Variants in CSNK1G1 observed in about 807,000 individuals in gnomAD.
CSNK1G1 encodes the protein casein kinase 1 gamma 1.
CSNK1G1 carries 22 observed loss-of-function variants against 59.6 expected under a neutral mutation model. The ratio of observed to expected loss-of-function variants is 0.37; its 90% CI spans 0.26 to 0.53. The LOEUF (loss-of-function observed/expected upper bound fraction) is 0.53, where lower values mean the gene tolerates loss of function less well. Ranked by LOEUF, CSNK1G1 falls within the 20% of genes least tolerant of loss-of-function variation. The pLI, the probability that CSNK1G1 is intolerant of heterozygous loss-of-function variation, is 0.89. For synonymous variants in CSNK1G1, 179 were observed against 177.1 expected (o/e 1.01, Z -0.08); for missense variants, 384 against 519.5 (o/e 0.74, Z 2.54).
intron 4 of CSNK1G1, among the ~76,000 whole-genome samples, chr15:64,230,296 G>A (rs2082528929): frequency 6.6e-6 from 1 of 150,604 alleles, no homozygotes; most frequent in African/African-American, 2.4e-5. Flanking sequence ...CAAATTGCCA[G>A]TTTTGGTTTT....
chr15:64,283,892 C>T (rs4777088), intron 2 of CSNK1G1, among the ~76,000 whole-genome samples: 1,613 of 152,236 alleles, frequency 0.011, 12 homozygotes, highest in Middle Eastern at 0.044. Context: ...GGTATCATAA[C>T]TAAGAATCCA....
intron 3 of CSNK1G1, among the ~76,000 whole-genome samples, chr15:64,257,612 C>T (rs972747163): frequency 1.3e-5 from 2 of 152,092 alleles, no homozygotes; most frequent in African/African-American, 4.8e-5. Flanking sequence ...GTCTCGACTT[C>T]CTGGGCTCAG....
chr15:64,345,022 AAAAC>A (rs769696210), intron 1 of CSNK1G1, among the ~76,000 whole-genome samples: 3 of 152,212 alleles, frequency 2.0e-5, no homozygotes, highest in African/African-American at 4.8e-5. Context: ...ACTAGGTGAA[AAAAC>A]AAACAAAACT....
chr15:64,193,766 T>C, intron 10 of CSNK1G1, among the ~76,000 whole-genome samples: 1 of 152,126 alleles, frequency 6.6e-6, no homozygotes, highest in African/African-American at 2.4e-5. Flanking sequence ...GAAACCACCC[T>C]AGAAGTCTGC....
rs531273433 is a variant in CSNK1G1 at position 64,193,737 on chromosome 15, C to T, written c.1107+9345G>A. Among the ~76,000 whole-genome samples the T allele has an allele frequency of 3.3e-5, 5 of 152,240 alleles. No homozygotes were observed. The South Asian group carries it at 6.2e-4, about 19-fold the overall frequency. ...AGAGACGAGAGTATCAATTCTGTGA[C>T]GCTTTTAGAAAAATCACGGAAACCA... is the stretch of plus-strand genomic sequence containing the variant. On this transcript the variant is annotated intron_variant, in intron 10 of 11. Transcript: ENST00000303052.
intron 2 of CSNK1G1, among the ~76,000 whole-genome samples, chr15:64,287,313 T>G (rs1048387783): frequency 6.6e-6 from 1 of 152,182 alleles, no homozygotes; most frequent in Non-Finnish European, 1.5e-5. Flanking sequence ...TGATCTGGAC[T>G]TCACATATTA....
intron 4 of CSNK1G1, among the ~76,000 whole-genome samples, chr15:64,229,677 A>G (rs2082516304): frequency 1.3e-5 from 2 of 152,084 alleles, no homozygotes; most frequent in Non-Finnish European, 2.9e-5. Context: ...AGGCAAATGT[A>G]TCACATACCT....
chr15:64,315,002 A>G (rs1331137292), intron 1 of CSNK1G1, among the ~76,000 whole-genome samples: 1 of 152,226 alleles, frequency 6.6e-6, no homozygotes, highest in Non-Finnish European at 1.5e-5. Flanking sequence ...CAGAAGTGGT[A>G]TTGCTGGATC....
rs1198827247 is a variant in CSNK1G1, at chr15:64,200,148, G to C, written c.1107+2934C>G. Among the ~76,000 whole-genome samples the C allele has an allele frequency of 3.3e-5, 5 of 151,910 alleles. No homozygotes were observed. Among genetic ancestry groups the C allele is most frequent in the African/African-American group, 1.2e-4 (5 of 41,370 alleles). On this transcript the variant is annotated intron_variant, in intron 10 of 11. Coordinates refer to ENST00000303052, the MANE Select transcript of CSNK1G1 (RefSeq NM_022048.5). This position sits in a 1 kb window ranked among gnomAD's most constrained non-coding sequence, Gnocchi z 4.3. ...TAATCCCAGCTTCTCAGGAAGCTGA[G>C]GCAGAAGAATCGCTTGAACTCAGGA...
rs1384910361 is a variant in CSNK1G1, at chr15:64,214,019, G to A, written c.550C>T (p.His184Tyr). Residue 184 changes from histidine (H) to tyrosine (Y), a missense_variant, in exon 6 of 12, where the codon CAC becomes TAC. His to Tyr is a moderately conservative substitution (Grantham distance 83). Around this residue, in one of 3 missense-constraint regions of CSNK1G1, gnomAD observed 325 missense variants for 440.9 expected, o/e 0.74. Coordinates refer to ENST00000303052, the MANE Select transcript of CSNK1G1 (RefSeq NM_022048.5). This position sits in a 1 kb window ranked among gnomAD's most constrained non-coding sequence, Gnocchi z 4.3. ...TTGGCCAGTCCAAAGTCTATAATGT[G>A]TATAACATGCTCTTTCTTATTGCCT... ...RQGNKKEHVI[H>Y]IIDFGLAKEY... 2 of 1,613,984 alleles carry A rather than the reference G, an allele frequency of 1.2e-6. No homozygotes were observed. The highest frequency in any genetic ancestry group is 1.7e-6 in the Non-Finnish European group (2 of 1,179,924).
At chr15:64,316,752 G>A (rs547336233) in intron 1 of CSNK1G1, 1 of 152,098 alleles carries the variant, frequency 6.6e-6, no homozygotes, top group Non-Finnish European at 1.5e-5. Flanking sequence ...TTAACTGCTT[G>A]TGTTATCTAT....
intron 6 of CSNK1G1, among the ~76,000 whole-genome samples, chr15:64,208,962 C>CT (rs953087192): frequency 6.6e-6 from 1 of 151,586 alleles, no homozygotes; most frequent in African/African-American, 2.4e-5. Context: ...TTCTTGGACA[C>CT]TGCAGCCTCG....
chr15:64,182,798 T>G (rs1174227779), intron 10 of CSNK1G1, among the ~76,000 whole-genome samples: 1 of 152,230 alleles, frequency 6.6e-6, no homozygotes, highest in Non-Finnish European at 1.5e-5. Context: ...AAGAGTTTAT[T>G]GCATTTCCCT....
intron 2 of CSNK1G1, among the ~76,000 whole-genome samples, chr15:64,299,248 C>G (rs961659308): frequency 6.6e-6 from 1 of 152,066 alleles, no homozygotes; most frequent in East Asian, 1.9e-4. Context: ...TATATTTATA[C>G]GGCCTTTTAT....
intron 2 of CSNK1G1, among the ~76,000 whole-genome samples, chr15:64,282,568 CT>C (rs1207055652): frequency 6.6e-6 from 1 of 152,274 alleles, no homozygotes; most frequent in Admixed American, 6.5e-5. Flanking sequence ...AATCAATGGT[CT>C]TTTTGTTACT....
intron 4 of CSNK1G1, among the ~76,000 whole-genome samples, chr15:64,234,659 T>C (rs888279169): frequency 2.0e-5 from 3 of 152,234 alleles, no homozygotes; most frequent in Admixed American, 6.5e-5. Context: ...CAAAATGGCT[T>C]GCTATTTAGC....
intron 10 of CSNK1G1, among the ~76,000 whole-genome samples, chr15:64,192,217 A>G (rs1487971436): frequency 6.6e-6 from 1 of 152,242 alleles, no homozygotes; most frequent in East Asian, 1.9e-4. Flanking sequence ...GAGGTGCATG[A>G]GTAGAAAAGT....
chr15:64,354,159 G>T (rs1566959446), intron 1 of CSNK1G1, among the ~76,000 whole-genome samples: 1 of 152,074 alleles, frequency 6.6e-6, no homozygotes, highest in Non-Finnish European at 1.5e-5. Context: ...CAAAAAATTA[G>T]CTGGGTGTAG....
chr15:64,240,269 AAG>A (rs932878266), intron 4 of CSNK1G1, among the ~76,000 whole-genome samples: 2 of 152,170 alleles, frequency 1.3e-5, no homozygotes, highest in African/African-American at 4.8e-5. Flanking sequence ...AATAATGAAA[AAG>A]AGTGAAGAAA....
Sources: gnomAD v4.1 joint callset for allele counts (sites outside exome capture counted in the v4.1 genomes callset) on GRCh38, gnomAD v4.1.1 for gene constraint, gnomAD v4.1.1 regional missense constraint, Gnocchi (gnomAD v3.1) non-coding constraint, MANE v1.5 for transcripts, NCBI Gene and HGNC (gene_info 2026-07-23, HGNC 2026-07-21) for gene names.